Variants in CXXC1 observed in about 807,000 individuals in gnomAD.
CXXC1 encodes the protein CXXC-type zinc finger protein 1.
Under a neutral mutation model 83.6 loss-of-function variants are expected in CXXC1, and 21 were observed. The observed-to-expected ratio is 0.25, with a 90% CI of 0.18 to 0.36. CXXC1 has a LOEUF of 0.36. Among genes scored for constraint, CXXC1 ranks in the 10% least tolerant of loss-of-function variants. The pLI is 1.00. For synonymous variants in CXXC1, 371 were observed against 337.5 expected (o/e 1.10, Z -1.09); for missense variants, 688 against 919.5 (o/e 0.75, Z 3.26).
At chr18:50,284,323 G>A in intron 9 of CXXC1, 55 bp downstream of exon 9, 4 of 1,519,394 alleles carry the variant, frequency 2.6e-6, no homozygotes, top group South Asian at 1.3e-5. Context: ...GAAGGCTGTG[G>A]TCAGGCCCTA....
chr18:50,284,958 T>C (rs1188486432), intron 7 of CXXC1, 44 bp downstream of exon 7: 7 of 1,613,126 alleles, frequency 4.3e-6, no homozygotes, highest in African/African-American at 1.3e-5. Context: ...TCTCTGCTTC[T>C]GTAACCTCCA....
intron 12 of CXXC1, 45 bp downstream of exon 12, chr18:50,283,470 C>G (rs1365633393): frequency 6.2e-7 from 1 of 1,611,240 alleles, no homozygotes; most frequent in Non-Finnish European, 8.5e-7. Context: ...ACTTCTGACC[C>G]CCGCCTTAAC....
chr18:50,285,003 A>T lies in CXXC1; in HGVS notation c.911T>A (p.Leu304Gln). 1 of 1,614,178 alleles carries T rather than the reference A, an allele frequency of 6.2e-7. No individual in the cohort carries two copies. The highest frequency in any genetic ancestry group is 8.5e-7 in the Non-Finnish European group (1 of 1,180,024). The change falls in exon 7 of 15, where the codon CTG becomes CAG. Residue 304 changes from leucine (L) to glutamine (Q), a missense_variant and splice_region_variant. Coordinates refer to ENST00000285106, the MANE Select transcript of CXXC1 (RefSeq NM_014593.4). This position sits in a 1 kb window ranked among gnomAD's most constrained non-coding sequence, Gnocchi z 4.4. ...CAGTGGATGCTCCTGTCTGCTCACC[A>T]GGCCATGGTCATCAAAGGCCCCTGC... ...FCAGAFDDHG[L>Q]PWMSDTEESP...
chr18:50,282,495 G>A lies in CXXC1; in HGVS notation c.*98C>T. 11 of 1,471,082 alleles carry A rather than the reference G, an allele frequency of 7.5e-6. No individual in the cohort carries two copies. The highest frequency in any genetic ancestry group is 1.0e-5 in the Non-Finnish European group (11 of 1,075,134). The allele number at this position is 1,471,082 out of a possible 1,614,324, so 91.1% of individuals were successfully genotyped here. A position where few individuals can be genotyped will look rare whatever the true frequency, so the allele number is the denominator to read the frequency against. ...CGGTCAACCGGTGGATGGGCACAGGGAGAACCGGAGAAACAGATGAGTGGA... is the reference window on the plus strand; with the variant it reads ...CGGTCAACCGGTGGATGGGCACAGGAAGAACCGGAGAAACAGATGAGTGGA... On this transcript the variant is annotated 3_prime_UTR_variant, in exon 15 of 15. Transcript: ENST00000285106. The surrounding 1 kb of genome is among the most constrained non-coding windows in gnomAD (Gnocchi z 5.8).
chr18:50,282,583 G>A lies in CXXC1; in HGVS notation c.*10C>T. ...GGAATGCAGGGTGTAAGGGGTCCGG[G>A]CCAGGAGGCTCAGCGGTCGGCACTG... is the stretch of plus-strand genomic sequence containing the variant. On this transcript the variant is annotated 3_prime_UTR_variant, in exon 15 of 15. Coordinates refer to ENST00000285106, the MANE Select transcript of CXXC1 (RefSeq NM_014593.4). This position sits in a 1 kb window ranked among gnomAD's most constrained non-coding sequence, Gnocchi z 5.8. 6.2e-7 allele frequency: 1 copy of A among 1,606,160 alleles called. No homozygotes were observed. The highest frequency in any genetic ancestry group is 8.5e-7 in the Non-Finnish European group (1 of 1,179,932).
In CXXC1 at chr18:50,285,557, G is replaced by T; in HGVS notation, c.639+192C>A. 2 of 951,640 alleles carry T rather than the reference G, an allele frequency of 2.1e-6. No individual in the cohort carries two copies. Among genetic ancestry groups the T allele is most frequent in the Non-Finnish European group, 3.1e-6 (2 of 645,700 alleles). The allele number at this position is 951,640 out of a possible 1,614,324, so 58.9% of individuals were successfully genotyped here. A position where few individuals can be genotyped will look rare whatever the true frequency, so the allele number is the denominator to read the frequency against. ...GGCCCCACTCTGTCTACCCAGGGTT[G>T]GTGGGGGTGTTCTGCCAGCCCAGCA... On this transcript the variant is annotated intron_variant, in intron 5 of 14. Coordinates refer to ENST00000285106, the MANE Select transcript of CXXC1 (RefSeq NM_014593.4). This position sits in a 1 kb window ranked among gnomAD's most constrained non-coding sequence, Gnocchi z 4.4.
rs1306217951 is a variant in CXXC1, at chr18:50,284,108, G to A, written c.1206-7C>T. The A allele has an allele frequency of 6.2e-7, 1 of 1,600,920 alleles. No homozygotes were observed. Among genetic ancestry groups the A allele is most frequent in the Non-Finnish European group, 8.5e-7 (1 of 1,175,936 alleles). ...GAGGATCTCGTAGATGCGGCTGCAG[G>A]GAAGGTAGCAAGCAACAGAATGAGT... On this transcript the variant is annotated splice_polypyrimidine_tract_variant and splice_region_variant and intron_variant, in intron 9 of 14. Coordinates refer to ENST00000285106, the MANE Select transcript of CXXC1 (RefSeq NM_014593.4).
At chr18:50,284,893 C>T in intron 7 of CXXC1, 54 bp from the exon 8 acceptor site, 1 of 1,613,356 alleles carries the variant, frequency 6.2e-7, no homozygotes, top group Non-Finnish European at 8.5e-7. Context: ...AACCCCACCA[C>T]CTACTCATGT....
chr18:50,286,045 G>T lies in CXXC1; in HGVS notation c.436C>A (p.Pro146Thr), dbSNP rs2040707545. ...SASPHKSSPQ[P>T]LVATPSQHHQ... Reference sequence around the variant, plus strand: ...ACCTGGCTGGGTGTGGCCACCAAGGGCTGCGGAGAGGATTTGTGGGGCGAA... The same window carrying T: ...ACCTGGCTGGGTGTGGCCACCAAGGTCTGCGGAGAGGATTTGTGGGGCGAA... The change falls in exon 4 of 15, where the codon CCC (proline) becomes ACC (threonine). Residue 146 changes from proline to threonine, a missense_variant. Transcript: ENST00000285106. The T allele has an allele frequency of 6.2e-7, 1 of 1,613,894 alleles. No homozygotes were observed. Among genetic ancestry groups the T allele is most frequent in the Non-Finnish European group, 8.5e-7 (1 of 1,179,918 alleles).
At chr18:50,286,499 GA>G in intron 3 of CXXC1, 39 bp downstream of exon 3, 1 of 1,558,656 alleles carries the variant, frequency 6.4e-7, no homozygotes, top group Non-Finnish European at 8.8e-7. Flanking sequence ...CTCCTCCCTT[GA>G]AGCCCCACCT....
chr18:50,284,472 A>T lies in CXXC1; in HGVS notation c.1111T>A (p.Ser371Thr). Residue 371 changes from serine (S) to threonine (T), a missense_variant, in exon 9 of 15, where the codon TCA (serine) becomes ACA (threonine). Ser to Thr is a moderately conservative substitution (Grantham distance 58). Transcript: ENST00000285106. ...CCGGGCCCCAGGCACTGGGGCAGTG[A>T]CGCAGGGTCCTTGGCATCAGCCCTC... ...PERADAKDPA[S>T]LPQCLGPGCV... 6.2e-7 allele frequency: 1 copy of T among 1,609,496 alleles called. No homozygotes were observed. Among genetic ancestry groups the T allele is most frequent in the Non-Finnish European group, 8.5e-7 (1 of 1,177,788 alleles).
rs573634319 is a variant in CXXC1, at chr18:50,287,643, G to C, written c.-54C>G. The C allele has an allele frequency of 4.8e-5, 77 of 1,604,548 alleles. No individual in the cohort carries two copies. The African/African-American group carries it at 8.3e-4, about 17-fold the overall frequency. On this transcript the variant is annotated 5_prime_UTR_variant, in exon 1 of 15. Transcript: ENST00000285106. Reference sequence around the variant, plus strand: ...ACCCCCGCCAGCGACCCGCGAACCTGCACAGACCACTCGGCGGCGTCCCAG... The same window carrying C: ...ACCCCCGCCAGCGACCCGCGAACCTCCACAGACCACTCGGCGGCGTCCCAG...
chr18:50,286,186 T>C lies in CXXC1; in HGVS notation c.295A>G (p.Ser99Gly), dbSNP rs767836455. Reference sequence around the variant, plus strand: ...CCACCCTCATCCCGGGGCTCACTGCTGTCCCGCTCATTGCCATCCCGCTCC... The same window carrying C: ...CCACCCTCATCCCGGGGCTCACTGCCGTCCCGCTCATTGCCATCCCGCTCC... ...SRERDGNERDSSEPRDEGGGR... is the reference protein window; with the variant it reads ...SRERDGNERDGSEPRDEGGGR... Residue 99 changes from serine to glycine, a missense_variant, in exon 4 of 15, where the codon AGC becomes GGC. Ser to Gly is a moderately conservative substitution (Grantham distance 56). Coordinates refer to ENST00000285106, the MANE Select transcript of CXXC1 (RefSeq NM_014593.4). 3.7e-6 allele frequency: 6 copies of C among 1,613,732 alleles called. No homozygotes were observed. The South Asian group carries it at 6.6e-5, about 18-fold the overall frequency.
At position 50,285,286 on chromosome 18, in the gene CXXC1, G is replaced by A. The variant is rs2040695836; in HGVS notation, c.666+39C>T. On this transcript the variant is annotated intron_variant, in intron 6 of 14. Transcript: ENST00000285106. This position sits in a 1 kb window ranked among gnomAD's most constrained non-coding sequence, Gnocchi z 4.4. Reference sequence around the variant, plus strand: ...TCTCAGGACTGGCCCTGACCGCCCTGCCCGCATGCCCCACCCCACCCTGGG... The same window carrying A: ...TCTCAGGACTGGCCCTGACCGCCCTACCCGCATGCCCCACCCCACCCTGGG... 1.2e-6 allele frequency: 2 copies of A among 1,611,210 alleles called. No individual in the cohort carries two copies. The highest frequency in any genetic ancestry group is 2.2e-5 in the East Asian group (1 of 44,832).
intron 1 of CXXC1, chr18:50,287,380 T>C: frequency 3.4e-6 from 2 of 584,564 alleles, no homozygotes; most frequent in South Asian, 2.1e-5. Context: ...CCACACGGAG[T>C]CCCCACTAAA....
At position 50,285,549 on chromosome 18, in the gene CXXC1, C is replaced by T. The variant is rs2040700191; in HGVS notation, c.640-198G>A. On this transcript the variant is annotated intron_variant, in intron 5 of 14. Coordinates refer to ENST00000285106, the MANE Select transcript of CXXC1 (RefSeq NM_014593.4). The surrounding 1 kb of genome is among the most constrained non-coding windows in gnomAD (Gnocchi z 4.4). ...AAACACCTGGCCCCACTCTGTCTACCCAGGGTTGGTGGGGGTGTTCTGCCA... is the reference window on the plus strand; with the variant it reads ...AAACACCTGGCCCCACTCTGTCTACTCAGGGTTGGTGGGGGTGTTCTGCCA... The T allele has an allele frequency of 2.1e-6, 2 of 958,562 alleles. No individual in the cohort carries two copies. The highest frequency in any genetic ancestry group is 5.2e-5 in the East Asian group (2 of 38,098). 59.4% of individuals were successfully genotyped at this position (958,562 alleles called of 1,614,324 possible).
Position 50,287,658 on chromosome 18 carries a change from C to A in CXXC1, c.-69G>T. ...CCGCGAACCTGCACAGACCACTCGG[C>A]GGCGTCCCAGGCGGTTGCAAAGGCG... is the stretch of plus-strand genomic sequence containing the variant. On this transcript the variant is annotated 5_prime_UTR_variant, in exon 1 of 15. Coordinates refer to ENST00000285106, the MANE Select transcript of CXXC1 (RefSeq NM_014593.4). 6.3e-7 allele frequency: 1 copy of A among 1,595,952 alleles called. No homozygotes were observed. The highest frequency in any genetic ancestry group is 1.7e-5 in the Admixed American group (1 of 58,788).
At chr18:50,284,328 G>A in intron 9 of CXXC1, 50 bp downstream of exon 9, 1 of 1,517,812 alleles carries the variant, frequency 6.6e-7, no homozygotes, top group African/African-American at 1.4e-5. Flanking sequence ...CTGTGGTCAG[G>A]CCCTACCATG....
At position 50,286,730 on chromosome 18, in the gene CXXC1, C is replaced by G; in HGVS notation, c.122+10G>C. ...CCAGTGTCAGCCCCGCCCATCTCTC[C>G]CGCGCTCACATCATGAAGCAGTTGA... On this transcript the variant is annotated intron_variant, in intron 2 of 14. Coordinates refer to ENST00000285106, the MANE Select transcript of CXXC1 (RefSeq NM_014593.4). 6.2e-7 allele frequency: 1 copy of G among 1,612,644 alleles called. No homozygotes were observed. The highest frequency in any genetic ancestry group is 8.5e-7 in the Non-Finnish European group (1 of 1,178,592).
Sources: allele counts gnomAD v4.1 joint callset, GRCh38; gene constraint gnomAD v4.1.1; non-coding constraint Gnocchi (gnomAD v3.1); transcripts MANE v1.5; gene names NCBI Gene and HGNC (gene_info 2026-07-23, HGNC 2026-07-21).